Variants in MAPK4 observed in about 807,000 individuals in gnomAD.
MAPK4 encodes Erk3-related.
MAPK4 carries 22 observed loss-of-function variants against 47.7 expected under a neutral mutation model. The observed-to-expected ratio is 0.46, with a 90% CI of 0.33 to 0.66. The LOEUF is 0.66. MAPK4 is among the 30% of genes least tolerant of loss of function. The pLI, the probability that MAPK4 is intolerant of heterozygous loss-of-function variation, is 0.02. For missense variants in MAPK4, 736 were observed against 831.7 expected (o/e 0.88, Z 1.42); for synonymous variants, 390 against 365.7 (o/e 1.07, Z -0.76).
chr18:50,676,767 A>G (rs1908297496), intron 2 of MAPK4, among the ~76,000 whole-genome samples: 1 of 152,250 alleles, frequency 6.6e-6, no homozygotes, highest in Non-Finnish European at 1.5e-5. Context: ...ATGTTCTATG[A>G]TGTTTTTGAA....
intron 1 of MAPK4, among the ~76,000 whole-genome samples, chr18:50,655,945 T>C (rs975443389): frequency 4.6e-5 from 7 of 152,112 alleles, no homozygotes; most frequent in African/African-American, 1.7e-4. Context: ...ATTGAATCCC[T>C]CTCTATATGC....
chr18:50,693,968 G>A (rs1909370922), intron 2 of MAPK4, among the ~76,000 whole-genome samples: 1 of 152,178 alleles, frequency 6.6e-6, no homozygotes, highest in Non-Finnish European at 1.5e-5. Flanking sequence ...AGGGTTGCAG[G>A]AGCTGCTGTA....
chr18:50,701,362 A>T (rs544044050), intron 2 of MAPK4, among the ~76,000 whole-genome samples: 172 of 152,282 alleles, frequency 1.1e-3, no homozygotes, highest in African/African-American at 4.0e-3. Flanking sequence ...AATATTCACA[A>T]AGCAAGTTAT....
chr18:50,664,483 T>C lies in MAPK4; in HGVS notation c.525T>C (p.Val175=), dbSNP rs1414774718. ...KIGDFGLARI[V]DQHYSHKGYL... Reference sequence around the variant, plus strand: ...GGGATTTCGGGTTGGCAAGGATCGTTGATCAGCATTACTCCCACAAGGTAT... The same window carrying C: ...GGGATTTCGGGTTGGCAAGGATCGTCGATCAGCATTACTCCCACAAGGTAT... The change falls in exon 2 of 6, where the codon GTT becomes GTC. Residue 175 remains valine, a synonymous_variant. Coordinates refer to ENST00000400384, the MANE Select transcript of MAPK4 (RefSeq NM_002747.4). The surrounding 1 kb of genome is among the most constrained non-coding windows in gnomAD (Gnocchi z 6.0). 6 of 1,602,378 alleles carry C rather than the reference T, an allele frequency of 3.7e-6. No homozygotes were observed. Among genetic ancestry groups the C allele is most frequent in the Non-Finnish European group, 4.3e-6 (5 of 1,172,760 alleles).
intron 1 of MAPK4, among the ~76,000 whole-genome samples, chr18:50,631,860 ACTTTATCAGCAAGATAAATACAAT>A (rs2042833571): frequency 6.6e-6 from 1 of 152,210 alleles, no homozygotes; most frequent in African/African-American, 2.4e-5. Context: ...AAATAATACA[ACTTTATCAGCAAGATAAATACAAT>A]CTTTATCAGC....
intron 2 of MAPK4, among the ~76,000 whole-genome samples, chr18:50,681,820 C>T (rs1046183198): frequency 9.9e-5 from 15 of 152,068 alleles, no homozygotes; most frequent in Admixed American, 5.2e-4. Context: ...GTTTGTAGTC[C>T]GTTTTGAAGT....
intron 1 of MAPK4, chr18:50,560,779 G>C (rs1296029371): frequency 6.6e-6 from 1 of 152,560 alleles, no homozygotes; most frequent in Non-Finnish European, 1.5e-5. Flanking sequence ...CCCTGGGAGA[G>C]GGGGAGTGGG....
intron 2 of MAPK4, among the ~76,000 whole-genome samples, chr18:50,689,536 AC>A (rs1275389183): frequency 6.6e-6 from 1 of 152,168 alleles, no homozygotes; most frequent in African/African-American, 2.4e-5. Flanking sequence ...GGACTAAGTC[AC>A]AGGATGTTCA....
At chr18:50,650,333 C>G (rs1225960960) in intron 1 of MAPK4, among the ~76,000 whole-genome samples, 1 of 150,120 alleles carries the variant, frequency 6.7e-6, no homozygotes, top group Non-Finnish European at 1.5e-5. Flanking sequence ...TCCACTACCC[C>G]CTCCCTTTCT....
At chr18:50,722,893 C>G (rs1911007143) in intron 4 of MAPK4, among the ~76,000 whole-genome samples, 1 of 152,118 alleles carries the variant, frequency 6.6e-6, no homozygotes, top group Non-Finnish European at 1.5e-5. Flanking sequence ...TCCAGAACCC[C>G]TGGGGCTCTG....
chr18:50,652,052 A>G (rs531028917), intron 1 of MAPK4, among the ~76,000 whole-genome samples: 10 of 152,176 alleles, frequency 6.6e-5, no homozygotes, highest in Non-Finnish European at 1.0e-4. Context: ...GCACATCTGT[A>G]TTGCCAGCCC....
At chr18:50,573,147 AT>A (rs80124844) in intron 1 of MAPK4, among the ~76,000 whole-genome samples, 40,004 of 152,034 alleles carry the variant, frequency 0.26, 5,309 homozygotes, top group South Asian at 0.32. Flanking sequence ...ATATTTTACT[AT>A]TTGATGTTTT....
At chr18:50,723,191 G>A (rs1264352180) in intron 4 of MAPK4, among the ~76,000 whole-genome samples, 1 of 152,180 alleles carries the variant, frequency 6.6e-6, no homozygotes, top group Non-Finnish European at 1.5e-5. Context: ...CCGGGACCCA[G>A]GCCATCAGGT....
rs187303810 is a variant in MAPK4 at position 50,628,561 on chromosome 18, C to T, written c.-870-34528C>T. ...GCAAAGTGTTTTTTGGATCCATGTT[C>T]TTATTTAATCTCTCACTATCACCAA... On this transcript the variant is annotated intron_variant, in intron 1 of 5. Transcript: ENST00000400384. Among the ~76,000 whole-genome samples, 127 of 152,316 alleles carry T rather than the reference C, an allele frequency of 8.3e-4. 2 individuals carry two copies. In the South Asian group the frequency reaches 0.025, roughly 31 times the overall value.
At chr18:50,657,775 G>A (rs950564161) in intron 1 of MAPK4, among the ~76,000 whole-genome samples, 2 of 151,938 alleles carry the variant, frequency 1.3e-5, no homozygotes, top group Non-Finnish European at 2.9e-5. Flanking sequence ...GCACAGGATA[G>A]TCCCACTGCT....
At chr18:50,679,986 G>A (rs896591603) in intron 2 of MAPK4, among the ~76,000 whole-genome samples, 1 of 151,298 alleles carries the variant, frequency 6.6e-6, no homozygotes, top group Admixed American at 6.6e-5. Flanking sequence ...AAGGGACCCA[G>A]CGCTCGCCGC....
At chr18:50,659,198 C>T (rs914488020) in intron 1 of MAPK4, among the ~76,000 whole-genome samples, 16 of 152,198 alleles carry the variant, frequency 1.1e-4, no homozygotes, top group African/African-American at 3.9e-4. Flanking sequence ...ACTCCATTCA[C>T]ATAGACCACA....
intron 1 of MAPK4, among the ~76,000 whole-genome samples, chr18:50,575,492 TA>T (rs1236989270): frequency 6.6e-6 from 1 of 152,196 alleles, no homozygotes; most frequent in Non-Finnish European, 1.5e-5. Flanking sequence ...GCTTATTTTT[TA>T]TTTTTATTTT....
chr18:50,716,508 C>A (rs2144444540), intron 3 of MAPK4, among the ~76,000 whole-genome samples: 1 of 152,320 alleles, frequency 6.6e-6, no homozygotes, highest in South Asian at 2.1e-4. Context: ...CCCAGGCTAA[C>A]TTTGTAGAGG....
Sources: gnomAD v4.1 joint callset for allele counts (sites outside exome capture counted in the v4.1 genomes callset) on GRCh38, gnomAD v4.1.1 for gene constraint, Gnocchi (gnomAD v3.1) non-coding constraint, MANE v1.5 for transcripts, NCBI Gene and HGNC (gene_info 2026-07-23, HGNC 2026-07-21) for gene names.